Variants in CTNNA1 observed in about 807,000 individuals in gnomAD.
CTNNA1 encodes catenin alpha 1.
A neutral mutation model predicts 98.4 loss-of-function variants in CTNNA1; 37 were observed. That is an observed-to-expected ratio of 0.38 (90% CI 0.29 to 0.49). CTNNA1 has a LOEUF of 0.49. Among genes scored for constraint, CTNNA1 ranks in the 20% least tolerant of loss-of-function variants. CTNNA1 has a pLI of 0.95. For missense variants in CTNNA1, 761 were observed against 1,147.2 expected (o/e 0.66, Z 4.86); for synonymous variants, 404 against 413.2 (o/e 0.98, Z 0.27).
chr5:138,765,010 AT>A (rs1454064833), intron 1 of CTNNA1, among the ~76,000 whole-genome samples: 1 of 150,562 alleles, frequency 6.6e-6, no homozygotes, highest in Non-Finnish European at 1.5e-5. Context: ...AGTATCTGGG[AT>A]TACAGGTGCC....
chr5:138,877,136 G>A (rs1045869593), intron 7 of CTNNA1, among the ~76,000 whole-genome samples: 12 of 152,158 alleles, frequency 7.9e-5, no homozygotes, highest in African/African-American at 2.4e-4. Flanking sequence ...GCACTAGTAC[G>A]TCCTCTTTGT....
At chr5:138,894,284 T>TTC (rs1756237806) in intron 9 of CTNNA1, among the ~76,000 whole-genome samples, 3 of 145,740 alleles carry the variant, frequency 2.1e-5, no homozygotes, top group African/African-American at 5.0e-5. Flanking sequence ...TCTTTCTCTT[T>TTC]TTTTTTTTTT....
At chr5:138,871,279 C>T (rs1750575141) in intron 7 of CTNNA1, 1 of 152,096 alleles carries the variant, frequency 6.6e-6, no homozygotes, top group Non-Finnish European at 1.5e-5. Flanking sequence ...TTTCTACATA[C>T]AGTAAATGGC....
chr5:138,831,340 G>T (rs774486334), intron 7 of CTNNA1, among the ~76,000 whole-genome samples: 1 of 152,210 alleles, frequency 6.6e-6, no homozygotes, highest in Non-Finnish European at 1.5e-5. Flanking sequence ...AGATCCAAGC[G>T]TCAGTTATTT....
chr5:138,849,256 CCT>C (rs1487109353), intron 7 of CTNNA1, among the ~76,000 whole-genome samples: 2 of 151,896 alleles, frequency 1.3e-5, no homozygotes, highest in East Asian at 1.9e-4. Flanking sequence ...AGTTGTATTT[CCT>C]CTCTATTTTT....
At chr5:138,782,231 A>G in intron 2 of CTNNA1, 1 of 637,386 alleles carries the variant, frequency 1.6e-6, no homozygotes, top group South Asian at 1.6e-5. Flanking sequence ...CTTCAGTCTT[A>G]TTGCTAGTAA....
chr5:138,922,025 C>T (rs916052164), intron 11 of CTNNA1, among the ~76,000 whole-genome samples: 1 of 151,562 alleles, frequency 6.6e-6, no homozygotes, highest in Non-Finnish European at 1.5e-5. Context: ...TTTTCATTTT[C>T]TTTGTGTGCA....
intron 1 of CTNNA1, among the ~76,000 whole-genome samples, chr5:138,758,798 C>T (rs1297891756): frequency 6.6e-6 from 1 of 151,752 alleles, no homozygotes; most frequent in African/African-American, 2.4e-5. Flanking sequence ...TCTGGTCTTT[C>T]TCTGGGACAG....
At chr5:138,822,573 A>G (rs758890680) in intron 5 of CTNNA1, among the ~76,000 whole-genome samples, 16 of 152,206 alleles carry the variant, frequency 1.1e-4, no homozygotes, top group Admixed American at 5.9e-4. Context: ...AAGGCAAGAC[A>G]TTTAGAAAAT....
intron 13 of CTNNA1, among the ~76,000 whole-genome samples, chr5:138,927,237 G>A (rs1016176871): frequency 5.3e-5 from 8 of 152,270 alleles, no homozygotes; most frequent in Middle Eastern, 3.4e-3. Flanking sequence ...CTGTGCCAGC[G>A]TCTCCACAGG....
At chr5:138,875,999 A>G (rs1174177705) in intron 7 of CTNNA1, among the ~76,000 whole-genome samples, 1 of 152,200 alleles carries the variant, frequency 6.6e-6, no homozygotes, top group Non-Finnish European at 1.5e-5. Flanking sequence ...CTCCTATTTT[A>G]TAACAATGTT....
In CTNNA1 at chr5:138,934,687, A is replaced by T. The variant is rs144765552; in HGVS notation, c.*598A>T. On this transcript the variant is annotated 3_prime_UTR_variant, in exon 18 of 18. Coordinates refer to ENST00000302763, the MANE Select transcript of CTNNA1 (RefSeq NM_001903.5). ...TTACTAATGTACGCTGCTGCAGGACATTAATAAAGTTGCTTTTTTAGGCTA... is the reference window on the plus strand; with the variant it reads ...TTACTAATGTACGCTGCTGCAGGACTTTAATAAAGTTGCTTTTTTAGGCTA... The T allele has an allele frequency of 4.9e-3, 743 of 152,866 alleles. 5 individuals carry two copies. The highest frequency in any genetic ancestry group is 8.5e-3 in the Non-Finnish European group (576 of 68,106). 9.5% of individuals were successfully genotyped at this position (152,866 alleles called of 1,614,324 possible).
At position 138,933,690 on chromosome 5, in the gene CTNNA1, C is replaced by G. The variant is rs1765936946; in HGVS notation, c.2434-112C>G. On this transcript the variant is annotated intron_variant, in intron 17 of 17. Transcript: ENST00000302763. Reference sequence around the variant, plus strand: ...GCTGCCCAATCCTCTGCGACCTGCCCAGGCCCTGGTCTTGCAGAGGAGTAG... The same window carrying G: ...GCTGCCCAATCCTCTGCGACCTGCCGAGGCCCTGGTCTTGCAGAGGAGTAG... 26 of 1,128,114 alleles carry G rather than the reference C, an allele frequency of 2.3e-5. No individual in the cohort carries two copies. The South Asian group carries it at 3.6e-4, about 16-fold the overall frequency. The allele number at this position is 1,128,114 out of a possible 1,614,324, so 69.9% of individuals were successfully genotyped here. A position where few individuals can be genotyped will look rare whatever the true frequency, so the allele number is the denominator to read the frequency against.
At chr5:138,814,636 T>G (rs2149743643) in intron 5 of CTNNA1, among the ~76,000 whole-genome samples, 1 of 152,366 alleles carries the variant, frequency 6.6e-6, no homozygotes, top group South Asian at 2.1e-4. Context: ...GTCCTACTGG[T>G]TTAAAACGTA....
At chr5:138,846,002 C>G (rs1762691396) in intron 7 of CTNNA1, among the ~76,000 whole-genome samples, 1 of 152,174 alleles carries the variant, frequency 6.6e-6, no homozygotes, top group South Asian at 2.1e-4. Context: ...TCACGGCTCA[C>G]TGCAACCTCC....
At chr5:138,780,230 G>T (rs192632620) in intron 1 of CTNNA1, among the ~76,000 whole-genome samples, 1 of 151,136 alleles carries the variant, frequency 6.6e-6, no homozygotes, top group Non-Finnish European at 1.5e-5. Flanking sequence ...TTGCTCTTTC[G>T]CCCAGGCCGG....
intron 5 of CTNNA1, among the ~76,000 whole-genome samples, chr5:138,815,846 C>T (rs1438746494): frequency 6.6e-6 from 1 of 152,140 alleles, no homozygotes; most frequent in African/African-American, 2.4e-5. Flanking sequence ...CTGTGTACCC[C>T]CGTTCACAAA....
intron 7 of CTNNA1, among the ~76,000 whole-genome samples, chr5:138,860,277 T>G (rs1209561927): frequency 1.3e-5 from 2 of 152,178 alleles, no homozygotes; most frequent in Non-Finnish European, 1.5e-5. Flanking sequence ...ATAAACCGTT[T>G]ATAGTTTGTC....
chr5:138,827,642 G>T lies in CTNNA1; in HGVS notation c.986G>T (p.Arg329Leu). The T allele has an allele frequency of 6.2e-7, 1 of 1,614,230 alleles. No individual in the cohort carries two copies. The highest frequency in any genetic ancestry group is 8.5e-7 in the Non-Finnish European group (1 of 1,180,044). Residue 329 changes from arginine to leucine, a missense_variant, in exon 7 of 18, where the codon CGT (arginine) becomes CTT (leucine). Coordinates refer to ENST00000302763, the MANE Select transcript of CTNNA1 (RefSeq NM_001903.5). ...MADSSCTRDD[R>L]RERIVAECNA... ...GACTCGTCCTGCACGCGTGATGACC[G>T]TCGTGAGCGAATTGTGGCAGAGTGT... is the stretch of plus-strand genomic sequence containing the variant.
Sources: gnomAD v4.1 joint callset for allele counts (sites outside exome capture counted in the v4.1 genomes callset) on GRCh38, gnomAD v4.1.1 for gene constraint, MANE v1.5 for transcripts, NCBI Gene and HGNC (gene_info 2026-07-23, HGNC 2026-07-21) for gene names.